Variants in NDUFAB1 observed in about 807,000 individuals in gnomAD.
NDUFAB1 encodes NADH:ubiquinone oxidoreductase subunit AB1, also known as acyl carrier protein, mitochondrial.
A neutral mutation model predicts 16.1 loss-of-function variants in NDUFAB1; 5 were observed. The ratio of observed to expected loss-of-function variants is 0.31; its 90% CI spans 0.16 to 0.65. The LOEUF is 0.65. NDUFAB1 is among the 30% of genes least tolerant of loss of function. The pLI, the probability that NDUFAB1 is intolerant of heterozygous loss-of-function variation, is 0.77. For missense variants in NDUFAB1, 187 were observed against 205.3 expected, an observed-to-expected ratio of 0.91 and a Z score of 0.54; for synonymous variants, 85 against 78.4, an observed-to-expected ratio of 1.08 and a Z score of -0.44.
intron 1 of NDUFAB1, among the ~76,000 whole-genome samples, chr16:23,594,676 CG>C (rs1567410170): frequency 4.0e-5 from 6 of 151,338 alleles, no homozygotes. Context: ...TTTGTAGAGA[CG>C]GGGTTCCACC....
chr16:23,584,285 G>GCCCGTC (rs1205701183), intron 3 of NDUFAB1, among the ~76,000 whole-genome samples: 1 of 73,380 alleles, frequency 1.4e-5, no homozygotes, highest in Non-Finnish European at 2.9e-5. Context: ...GAAACCCAGT[G>GCCCGTC]CCCGTCAGCA....
At chr16:23,593,692 A>T (rs202230213) in intron 1 of NDUFAB1, among the ~76,000 whole-genome samples, 1 of 152,110 alleles carries the variant, frequency 6.6e-6, no homozygotes, top group East Asian at 1.9e-4. Flanking sequence ...CCCAGAACTG[A>T]ATCAGAATCT....
chr16:23,596,116 G>GA lies in NDUFAB1; in HGVS notation c.168+6dup. The GA allele has an allele frequency of 6.2e-7, 1 of 1,603,838 alleles. No homozygotes were observed. Among genetic ancestry groups the GA allele is most frequent in the South Asian group, 1.1e-5 (1 of 90,166 alleles). ...TGCCAAGCGGCAGCAAAGTCACCAC[G>GA]AGTCACCTGCGCGAGCACTAAGGCC... On this transcript the variant is annotated splice_region_variant and intron_variant, in intron 1 of 4. Transcript: ENST00000007516.
chr16:23,592,575 G>C (rs1339013083), intron 1 of NDUFAB1, among the ~76,000 whole-genome samples: 1 of 152,118 alleles, frequency 6.6e-6, no homozygotes, highest in Non-Finnish European at 1.5e-5. Context: ...TGCGTACCAT[G>C]CCCCATAGAA....
intron 1 of NDUFAB1, among the ~76,000 whole-genome samples, chr16:23,591,628 T>C (rs969448611): frequency 2.6e-5 from 4 of 152,174 alleles, no homozygotes; most frequent in Non-Finnish European, 4.4e-5. Context: ...CCCTATGACC[T>C]TTGCAGAGAA....
intron 2 of NDUFAB1, 75 bp downstream of exon 2, chr16:23,587,122 T>A: frequency 6.9e-7 from 1 of 1,459,084 alleles, no homozygotes. Flanking sequence ...ACTGAGTATC[T>A]TTCCCTTTGC....
chr16:23,583,902 G>A (rs978745885), intron 3 of NDUFAB1, among the ~76,000 whole-genome samples: 7 of 152,046 alleles, frequency 4.6e-5, no homozygotes, highest in Non-Finnish European at 8.8e-5. Context: ...ACTCCATTTT[G>A]TTCTGTACTA....
chr16:23,586,932 G>A lies in NDUFAB1; in HGVS notation c.291+265C>T, dbSNP rs141555791. 2.2e-3 allele frequency among the ~76,000 whole-genome samples: 330 copies of A among 152,370 alleles called. 1 individual carries two copies. Among genetic ancestry groups the A allele is most frequent in the South Asian group, 5.4e-3 (26 of 4,832 alleles). ...CAAAGTGCTGGGATTACAGGCATGA[G>A]CCACAGTGCCCGGCCAGTTGTGTTT... On this transcript the variant is annotated intron_variant, in intron 2 of 4. Transcript: ENST00000007516.
intron 1 of NDUFAB1, among the ~76,000 whole-genome samples, chr16:23,592,338 T>TGGA (rs1232249084): frequency 2.2e-5 from 3 of 136,260 alleles, no homozygotes; most frequent in Non-Finnish European, 4.7e-5. Context: ...AGACCTTGTC[T>TGGA]GGAAAAAAAA....
intron 1 of NDUFAB1, chr16:23,595,555 G>A (rs1410276010): frequency 4.4e-6 from 2 of 455,580 alleles, no homozygotes; most frequent in Admixed American, 4.7e-5. Flanking sequence ...GTGGACCCGC[G>A]CAATTCAAAT....
At chr16:23,594,846 G>A (rs977433459) in intron 1 of NDUFAB1, among the ~76,000 whole-genome samples, 3 of 152,070 alleles carry the variant, frequency 2.0e-5, no homozygotes, top group Non-Finnish European at 2.9e-5. Flanking sequence ...ATTACCTGAA[G>A]TCTATGACTT....
At chr16:23,586,405 G>A (rs1431289278) in intron 2 of NDUFAB1, among the ~76,000 whole-genome samples, 8 of 151,708 alleles carry the variant, frequency 5.3e-5, no homozygotes, top group South Asian at 2.1e-4. Flanking sequence ...GCATGATCTC[G>A]GCTCACTGCA....
At chr16:23,591,396 C>G (rs1011100070) in intron 1 of NDUFAB1, among the ~76,000 whole-genome samples, 1 of 152,326 alleles carries the variant, frequency 6.6e-6, no homozygotes, top group Admixed American at 6.5e-5. Flanking sequence ...CTGGGGCTCA[C>G]TTCTGCCTGA....
chr16:23,583,078 CGAGGTGCCGG>C (rs1221651359), intron 3 of NDUFAB1, among the ~76,000 whole-genome samples: 1 of 152,290 alleles, frequency 6.6e-6, no homozygotes, highest in Non-Finnish European at 1.5e-5. Context: ...CTCGGCCTCC[CGAGGTGCCGG>C]GATTGCAGAT....
chr16:23,595,573 G>T (rs1384288460), intron 1 of NDUFAB1: 1 of 456,026 alleles, frequency 2.2e-6, no homozygotes, highest in South Asian at 1.5e-5. Flanking sequence ...AATCCTTATT[G>T]GTCAAAGGTC....
intron 3 of NDUFAB1, among the ~76,000 whole-genome samples, chr16:23,584,325 A>ACCACCCGT (rs1966214940): frequency 7.2e-6 from 1 of 138,414 alleles, no homozygotes; most frequent in African/African-American, 2.8e-5. Flanking sequence ...AGCTCTGGCA[A>ACCACCCGT]CCACCCGTGT....
intron 1 of NDUFAB1, among the ~76,000 whole-genome samples, chr16:23,593,864 ATTTATTTATTTATTTAT>A (rs1212892190): frequency 7.5e-6 from 1 of 133,212 alleles, no homozygotes; most frequent in African/African-American, 2.8e-5. Context: ...TTATTTATTT[ATTTATTTATTTATTTAT>A]TTATTTATTT....
In NDUFAB1 at chr16:23,596,017, G is replaced by A. The variant is rs1452821078; in HGVS notation, c.168+106C>T. ...CTGCGGAGCGAGCCGGCTGCCCCCC[G>A]GGTCACCCCTGCCTGCAGCTGGCGC... On this transcript the variant is annotated intron_variant, in intron 1 of 4. Coordinates refer to ENST00000007516, the MANE Select transcript of NDUFAB1 (RefSeq NM_005003.3). The A allele has an allele frequency of 1.3e-5, 18 of 1,360,322 alleles. No homozygotes were observed. In the Admixed American group the frequency reaches 2.4e-4, roughly 18 times the overall value. The allele number at this position is 1,360,322 out of a possible 1,614,324, so 84.3% of individuals were successfully genotyped here. A position where few individuals can be genotyped will look rare whatever the true frequency, so the allele number is the denominator to read the frequency against.
Position 23,595,990 on chromosome 16 carries a change from G to C in NDUFAB1, c.168+133C>G, listed in dbSNP as rs971107483. 7 of 1,102,076 alleles carry C rather than the reference G, an allele frequency of 6.4e-6. No individual in the cohort carries two copies. In the African/African-American group the frequency reaches 1.2e-4, roughly 18 times the overall value. The allele number at this position is 1,102,076 out of a possible 1,614,324, so 68.3% of individuals were successfully genotyped here. On this transcript the variant is annotated intron_variant, in intron 1 of 4. Coordinates refer to ENST00000007516, the MANE Select transcript of NDUFAB1 (RefSeq NM_005003.3). Reference sequence around the variant, plus strand: ...TCAACTAAACACCTTTAGGCAGCGGGGCTGCGGAGCGAGCCGGCTGCCCCC... The same window carrying C: ...TCAACTAAACACCTTTAGGCAGCGGCGCTGCGGAGCGAGCCGGCTGCCCCC...
Sources: allele counts gnomAD v4.1 joint callset (sites outside exome capture counted in the v4.1 genomes callset), GRCh38; gene constraint gnomAD v4.1.1; transcripts MANE v1.5; gene names NCBI Gene and HGNC (gene_info 2026-07-23, HGNC 2026-07-21).